Variants in LTV1 observed in about 807,000 individuals in gnomAD.
LTV1 encodes protein LTV1 homolog.
Under a neutral mutation model 59.9 loss-of-function variants are expected in LTV1, and 39 were observed. The ratio of observed to expected loss-of-function variants is 0.65; its 90% confidence interval spans 0.50 to 0.85. LTV1 has a LOEUF of 0.85. Among genes scored for constraint, LTV1 ranks in the 40% least tolerant of loss-of-function variants. The pLI, the probability that LTV1 is intolerant of heterozygous loss-of-function variation, is 0.00. For missense variants in LTV1, 493 were observed against 549.1 expected, an observed-to-expected ratio of 0.90 and a Z score of 1.02; for synonymous variants, 171 against 189.5, an observed-to-expected ratio of 0.90 and a Z score of 0.80.
At position 143,850,031 on chromosome 6, in the gene LTV1, G is replaced by C. The variant is rs1289888850; in HGVS notation, c.310-100G>C. 5.9e-6 allele frequency: 5 copies of C among 840,950 alleles called. No individual in the cohort carries two copies. In the East Asian group the frequency reaches 1.2e-4, roughly 21 times the overall value. The allele number at this position is 840,950 out of a possible 1,614,324, so 52.1% of individuals were successfully genotyped here. On this transcript the variant is annotated intron_variant, in intron 3 of 10. Transcript: ENST00000367576. ...CCTATTTCAAATATGGTCAGTCTAA[G>C]GTTCTGGATGGACATTGATTTGGGG...
intron 4 of LTV1, among the ~76,000 whole-genome samples, chr6:143,856,480 G>A (rs1458199759): frequency 2.0e-5 from 3 of 152,114 alleles, no homozygotes; most frequent in Non-Finnish European, 2.9e-5. Context: ...TTCCCTTGCC[G>A]GCGAGGAGTT....
Position 143,862,830 on chromosome 6 carries a change from A to G in LTV1, c.1064-14A>G. 1 of 1,491,702 alleles carries G rather than the reference A, an allele frequency of 6.7e-7. No homozygotes were observed. The highest frequency in any genetic ancestry group is 9.4e-7 in the Non-Finnish European group (1 of 1,069,008). The allele number at this position is 1,491,702 out of a possible 1,614,324, so 92.4% of individuals were successfully genotyped here. ...ACATGCTTACTGATACATGACTTTTATTTGTTTGTTTAGGTACATACTCAA... is the reference window on the plus strand; with the variant it reads ...ACATGCTTACTGATACATGACTTTTGTTTGTTTGTTTAGGTACATACTCAA... On this transcript the variant is annotated splice_polypyrimidine_tract_variant and intron_variant, in intron 8 of 10. Transcript: ENST00000367576. The surrounding 1 kb of genome is among the most constrained non-coding windows in gnomAD (Gnocchi z 4.2).
intron 3 of LTV1, 64 bp downstream of exon 3, chr6:143,846,288 T>C (rs140728834): frequency 3.2e-5 from 47 of 1,486,204 alleles, no homozygotes; most frequent in African/African-American, 1.9e-4. Flanking sequence ...AATCAAGATA[T>C]CTGTTTGGGG....
rs184151830 is a variant in LTV1 at position 143,855,561 on chromosome 6, C to T, written c.398-1742C>T. ...TATCGATGGTCTTTACTGTTTGGTA[C>T]GTTTTGCAGTGGCTGGTACCAGTTT... On this transcript the variant is annotated intron_variant, in intron 4 of 10. Coordinates refer to ENST00000367576, the MANE Select transcript of LTV1 (RefSeq NM_032860.5). The surrounding 1 kb of genome is among the most constrained non-coding windows in gnomAD (Gnocchi z 4.6). Among the ~76,000 whole-genome samples, 83 of 152,208 alleles carry T rather than the reference C, an allele frequency of 5.5e-4. 1 individual carries two copies. The highest frequency in any genetic ancestry group is 9.4e-4 in the Non-Finnish European group (64 of 67,970).
chr6:143,858,417 G>A (rs1777114083), intron 6 of LTV1: 1 of 182,002 alleles, frequency 5.5e-6, no homozygotes, highest in Admixed American at 5.3e-5. Flanking sequence ...AAAACCCCCA[G>A]AAGTGGCCCT....
At chr6:143,858,131 C>T in intron 6 of LTV1, 124 bp downstream of exon 6, 2 of 885,296 alleles carry the variant, frequency 2.3e-6, no homozygotes, top group Non-Finnish European at 3.5e-6. Context: ...AGGAAGTTTA[C>T]AACTATCCAG....
rs573385086 is a variant in LTV1, at chr6:143,843,449, G to C, written c.-29G>C. 24 of 1,612,918 alleles carry C rather than the reference G, an allele frequency of 1.5e-5. No homozygotes were observed. The highest frequency in any genetic ancestry group is 2.0e-5 in the Non-Finnish European group (24 of 1,179,954). Reference sequence around the variant, plus strand: ...CTTCGAGGGTGTCATCGCCGCCCCTGTTGGGGGTGAGCGCCGCGCGGCTGC... The same window carrying C: ...CTTCGAGGGTGTCATCGCCGCCCCTCTTGGGGGTGAGCGCCGCGCGGCTGC... On this transcript the variant is annotated 5_prime_UTR_variant, in exon 1 of 11. Transcript: ENST00000367576.
chr6:143,844,246 C>T (rs1776851496), intron 1 of LTV1, among the ~76,000 whole-genome samples: 1 of 152,238 alleles, frequency 6.6e-6, no homozygotes, highest in African/African-American at 2.4e-5. Context: ...GACTTTCCCA[C>T]TTCTGTATTC....
rs1227114986 is a variant in LTV1 at position 143,843,350 on chromosome 6, C to T, written c.-128C>T. ...CACGGCCGGCTGGGTGACGTTATCG[C>T]CGGGTCCTGGGGCTGCACGTGTGGT... On this transcript the variant is annotated 5_prime_UTR_variant, in exon 1 of 11. Transcript: ENST00000367576. The T allele has an allele frequency of 1.7e-6, 2 of 1,177,746 alleles. No individual in the cohort carries two copies. The highest frequency in any genetic ancestry group is 2.5e-6 in the Non-Finnish European group (2 of 796,308). 73.0% of individuals were successfully genotyped at this position (1,177,746 alleles called of 1,614,324 possible).
chr6:143,847,651 G>T (rs1317223425), intron 3 of LTV1, among the ~76,000 whole-genome samples: 1 of 152,220 alleles, frequency 6.6e-6, no homozygotes, highest in Non-Finnish European at 1.5e-5. Context: ...GTGAGCCACC[G>T]CGCCCGGTCG....
intron 4 of LTV1, among the ~76,000 whole-genome samples, chr6:143,854,142 A>G (rs561943292): frequency 7.7e-4 from 118 of 152,328 alleles, no homozygotes; most frequent in African/African-American, 2.7e-3. Context: ...TTATTGGTCT[A>G]TTCAGGGATT....
intron 6 of LTV1, among the ~76,000 whole-genome samples, chr6:143,858,856 A>G (rs56298740): frequency 0.015 from 2,255 of 152,134 alleles, 24 homozygotes; most frequent in Middle Eastern, 0.031. Context: ...AAAACTTTTG[A>G]GTGTTGAAAA....
chr6:143,856,557 C>G (rs1338135194), intron 4 of LTV1, among the ~76,000 whole-genome samples: 1 of 151,130 alleles, frequency 6.6e-6, no homozygotes, highest in African/African-American at 2.5e-5. Context: ...CTGGTTTTTC[C>G]TCATCTTCTT....
At chr6:143,858,106 C>A in intron 6 of LTV1, 99 bp downstream of exon 6, 1 of 1,089,848 alleles carries the variant, frequency 9.2e-7, no homozygotes. Context: ...GCTCACCAAC[C>A]ACAAAGTCAA....
At chr6:143,844,761 TC>T in intron 2 of LTV1, 144 bp downstream of exon 2, 1 of 756,246 alleles carries the variant, frequency 1.3e-6, no homozygotes, top group Non-Finnish European at 1.9e-6. Flanking sequence ...CAGCTTGGCC[TC>T]CAAAAGTGCT....
At chr6:143,843,572 G>C in intron 1 of LTV1, 92 bp downstream of exon 1, 3 of 1,541,746 alleles carry the variant, frequency 1.9e-6, no homozygotes, top group Non-Finnish European at 2.7e-6. Context: ...TGCGGCCCGG[G>C]TCTGGGTCAT....
At chr6:143,853,603 G>T (rs1297790831) in intron 4 of LTV1, among the ~76,000 whole-genome samples, 2 of 152,118 alleles carry the variant, frequency 1.3e-5, no homozygotes, top group Non-Finnish European at 2.9e-5. Flanking sequence ...TTGGCTGAGG[G>T]TTTGTCATAA....
chr6:143,862,930 G>C lies in LTV1; in HGVS notation c.1116+34G>C. 6.6e-7 allele frequency: 1 copy of C among 1,522,192 alleles called. No individual in the cohort carries two copies. The highest frequency in any genetic ancestry group is 9.1e-7 in the Non-Finnish European group (1 of 1,096,736). 94.3% of individuals were successfully genotyped at this position (1,522,192 alleles called of 1,614,324 possible). A position where few individuals can be genotyped will look rare whatever the true frequency, so the allele number is the denominator to read the frequency against. On this transcript the variant is annotated intron_variant, in intron 9 of 10. Transcript: ENST00000367576. This position sits in a 1 kb window ranked among gnomAD's most constrained non-coding sequence, Gnocchi z 4.2. The stretch of plus-strand genomic sequence containing the variant: ...TAGTGTGCTGAGCTATTTGAAGGAT[G>C]CAGTGCATAAAAAATAGAGTGCACA...
rs1298579742 is a variant in LTV1, at chr6:143,844,613, A to G, written c.131A>G (p.Gln44Arg). The G allele has an allele frequency of 6.2e-7, 1 of 1,613,520 alleles. No individual in the cohort carries two copies. The highest frequency in any genetic ancestry group is 8.5e-7 in the Non-Finnish European group (1 of 1,179,772). Residue 44 changes from glutamine (Q) to arginine (R), a missense_variant, in exon 2 of 11, where the codon CAA becomes CGA. Physicochemically the swap from Gln to Arg is conservative, Grantham distance 43. Transcript: ENST00000367576. ...SAPQRVLLPT[Q>R]KIDNEERRAE... ...CCCCAGAGGGTTCTATTGCCCACACAAAAAGTAGGTCCTGTTCTTTAGCCA... is the reference window on the plus strand; with the variant it reads ...CCCCAGAGGGTTCTATTGCCCACACGAAAAGTAGGTCCTGTTCTTTAGCCA...
Sources: allele counts gnomAD v4.1 joint callset (sites outside exome capture counted in the v4.1 genomes callset), GRCh38; gene constraint gnomAD v4.1.1; non-coding constraint Gnocchi (gnomAD v3.1); transcripts MANE v1.5; gene names NCBI Gene and HGNC (gene_info 2026-07-23, HGNC 2026-07-21).